Variants in SLC4A7 observed in about 807,000 individuals in gnomAD.
The protein encoded by SLC4A7 is sodium bicarbonate cotransporter 3.
SLC4A7 carries 51 observed loss-of-function variants against 137.6 expected under a neutral mutation model. The ratio of observed to expected loss-of-function variants is 0.37; its 90% CI spans 0.30 to 0.47. The LOEUF (loss-of-function observed/expected upper bound fraction) is 0.47. SLC4A7 is among the 20% of genes least tolerant of loss of function. SLC4A7 has a pLI of 1.00. For missense variants in SLC4A7, 1,247 were observed against 1,525.4 expected (o/e 0.82, Z 3.04); for synonymous variants, 542 against 518.6 (o/e 1.05, Z -0.61).
rs765504090 is a variant in SLC4A7, at chr3:27,424,113, T to C, written c.1190A>G (p.Asp397Gly). The C allele has an allele frequency of 2.5e-6, 4 of 1,611,430 alleles. No homozygotes were observed. The highest frequency in any genetic ancestry group is 4.5e-5 in the East Asian group (2 of 44,678). The change falls in exon 8 of 26, where the codon GAC (aspartate) becomes GGC (glycine). Residue 397 changes from aspartate to glycine, a missense_variant. Asp to Gly is a moderately conservative substitution (Grantham distance 94). Transcript: ENST00000454389. ...ASPQSAPGNL[D>G]NSKSGEIKGN... Reference sequence around the variant, plus strand: ...TTTAATTTCTCCACTTTTACTATTGTCCAAGTTTCCAGGAGCAGACTGGGG... The same window carrying C: ...TTTAATTTCTCCACTTTTACTATTGCCCAAGTTTCCAGGAGCAGACTGGGG...
chr3:27,430,644 C>G (rs370050622), intron 7 of SLC4A7, among the ~76,000 whole-genome samples: 1 of 149,892 alleles, frequency 6.7e-6, no homozygotes, highest in Non-Finnish European at 1.5e-5. Flanking sequence ...GCCTGGCCAG[C>G]ATGGTGAAAA....
chr3:27,466,935 A>G (rs1353511388), intron 1 of SLC4A7, among the ~76,000 whole-genome samples: 3 of 152,178 alleles, frequency 2.0e-5, no homozygotes, highest in Non-Finnish European at 4.4e-5. Context: ...AATAATCTCC[A>G]TTAACAATGG....
At chr3:27,441,587 G>T (rs1378032223) in intron 3 of SLC4A7, among the ~76,000 whole-genome samples, 1 of 152,000 alleles carries the variant, frequency 6.6e-6, no homozygotes, top group Non-Finnish European at 1.5e-5. Flanking sequence ...CAAACTCCTA[G>T]GCTAAAGGGA....
chr3:27,390,880 G>A (rs2051479241), intron 21 of SLC4A7, among the ~76,000 whole-genome samples: 1 of 152,040 alleles, frequency 6.6e-6, no homozygotes, highest in Non-Finnish European at 1.5e-5. Context: ...CTGGAATGCA[G>A]TGGCATGACT....
In SLC4A7 at chr3:27,448,774, C is replaced by T. The variant is rs199846605; in HGVS notation, c.166G>A (p.Val56Ile). The change falls in exon 3 of 26, where the codon GTT (valine) becomes ATT (isoleucine). Residue 56 changes from valine to isoleucine, a missense_variant. Val to Ile is a conservative substitution (Grantham distance 29, BLOSUM62 3). Coordinates refer to ENST00000454389, the MANE Select transcript of SLC4A7 (RefSeq NM_001321103.2). ...CTCTCTTTACTAAACGGGACGTGAA[C>T]ACCAATATATACAGCTCTATGACCT... ...LESHRAVYIG[V>I]HVPFSKESRR... is the part of the protein sequence containing the mutation. 1 of 1,612,866 alleles carries T rather than the reference C, an allele frequency of 6.2e-7. No homozygotes were observed. Among genetic ancestry groups the T allele is most frequent in the Non-Finnish European group, 8.5e-7 (1 of 1,179,354 alleles).
chr3:27,400,319 G>A (rs1002936839), intron 16 of SLC4A7, among the ~76,000 whole-genome samples: 3 of 152,134 alleles, frequency 2.0e-5, no homozygotes, highest in Admixed American at 2.0e-4. Flanking sequence ...GGTTAACTTA[G>A]ACATTAGGAC....
chr3:27,392,532 G>T (rs796879296), intron 20 of SLC4A7, among the ~76,000 whole-genome samples: 1 of 152,128 alleles, frequency 6.6e-6, no homozygotes, highest in East Asian at 1.9e-4. Flanking sequence ...AACAGTTTAC[G>T]AAGCAGACGT....
intron 10 of SLC4A7, among the ~76,000 whole-genome samples, 159 bp downstream of exon 10, chr3:27,420,541 G>A (rs532475860): frequency 3.9e-5 from 6 of 152,120 alleles, no homozygotes; most frequent in East Asian, 1.9e-4. Context: ...AAACCTAACC[G>A]AAGGCAAATA....
At chr3:27,482,270 G>A (rs1044682407) in intron 1 of SLC4A7, among the ~76,000 whole-genome samples, 14 of 152,188 alleles carry the variant, frequency 9.2e-5, no homozygotes, top group Non-Finnish European at 2.1e-4. Context: ...GAATAACTTG[G>A]AGGGCAATGG....
chr3:27,445,284 T>C (rs1466415631), intron 3 of SLC4A7, among the ~76,000 whole-genome samples: 4 of 152,142 alleles, frequency 2.6e-5, no homozygotes, highest in Admixed American at 1.3e-4. Context: ...CTCCACTCTC[T>C]TGAACTCTAC....
rs931541560 is a variant in SLC4A7, at chr3:27,376,619, C to T, written c.*145G>A. ...CATTAAATACATAGTCTCCACGGTGCTCATTACAAACTCCAGACACTACTT... is the reference window on the plus strand; with the variant it reads ...CATTAAATACATAGTCTCCACGGTGTTCATTACAAACTCCAGACACTACTT... On this transcript the variant is annotated 3_prime_UTR_variant, in exon 26 of 26. Coordinates refer to ENST00000454389, the MANE Select transcript of SLC4A7 (RefSeq NM_001321103.2). 1.3e-4 allele frequency: 62 copies of T among 484,872 alleles called. No individual in the cohort carries two copies. Among genetic ancestry groups the T allele is most frequent in the African/African-American group, 1.0e-3 (52 of 49,654 alleles). 30.0% of individuals were successfully genotyped at this position (484,872 alleles called of 1,614,324 possible). A position where few individuals can be genotyped will look rare whatever the true frequency, so the allele number is the denominator to read the frequency against.
At chr3:27,397,570 G>T in intron 18 of SLC4A7, 114 bp downstream of exon 18, 1 of 642,322 alleles carries the variant, frequency 1.6e-6, no homozygotes, top group Non-Finnish European at 2.8e-6. Flanking sequence ...CAAAGCATCA[G>T]CCCTTCAAAG....
At chr3:27,458,560 T>C (rs1347182316) in intron 1 of SLC4A7, among the ~76,000 whole-genome samples, 1 of 152,228 alleles carries the variant, frequency 6.6e-6, no homozygotes, top group African/African-American at 2.4e-5. Context: ...TTCACCCTTG[T>C]TATGTATGAT....
At chr3:27,450,804 T>A (rs1287215717) in intron 2 of SLC4A7, among the ~76,000 whole-genome samples, 5 of 152,134 alleles carry the variant, frequency 3.3e-5, no homozygotes, top group Admixed American at 1.3e-4. Context: ...TCTTCTGCCC[T>A]TACTTTATTC....
intron 1 of SLC4A7, among the ~76,000 whole-genome samples, chr3:27,472,221 C>G (rs1407174365): frequency 6.6e-6 from 1 of 152,150 alleles, no homozygotes; most frequent in African/African-American, 2.4e-5. Context: ...CAGATGATAG[C>G]AAATAAGTTA....
chr3:27,421,288 A>G (rs1431249013), intron 9 of SLC4A7, among the ~76,000 whole-genome samples: 4 of 151,926 alleles, frequency 2.6e-5, no homozygotes, highest in African/African-American at 9.7e-5. Context: ...TCACTTAAGT[A>G]GGAGTTCGAG....
chr3:27,460,185 C>T (rs1008844502), intron 1 of SLC4A7, among the ~76,000 whole-genome samples: 1 of 151,998 alleles, frequency 6.6e-6, no homozygotes, highest in Admixed American at 6.6e-5. Flanking sequence ...AGGCGTCCAC[C>T]ACTACGCTCA....
At chr3:27,454,784 C>A (rs1168698717) in intron 1 of SLC4A7, among the ~76,000 whole-genome samples, 1 of 152,146 alleles carries the variant, frequency 6.6e-6, no homozygotes, top group Non-Finnish European at 1.5e-5. Flanking sequence ...TAACTGCTCC[C>A]ATTCCAAACT....
chr3:27,421,494 A>C (rs2054975390), intron 9 of SLC4A7, 128 bp downstream of exon 9: 3 of 826,906 alleles, frequency 3.6e-6, no homozygotes, highest in African/African-American at 1.7e-5. Context: ...AGATTGTCTC[A>C]AAAATAAGAT....
Sources: gnomAD v4.1 joint callset for allele counts (sites outside exome capture counted in the v4.1 genomes callset) on GRCh38, gnomAD v4.1.1 for gene constraint, MANE v1.5 for transcripts, NCBI Gene and HGNC (gene_info 2026-07-23, HGNC 2026-07-21) for gene names.